The following HTR3A variants were observed in gnomAD, a reference collection of about 807,000 sequenced individuals.
HTR3A encodes 5-hydroxytryptamine (serotonin) receptor 3A, ionotropic.
In HTR3A, 45 loss-of-function variants were observed where a neutral mutation model predicts 54.8. That is an observed-to-expected ratio of 0.82 (90% confidence interval 0.65 to 1.05). The LOEUF (loss-of-function observed/expected upper bound fraction) is 1.05. Among genes scored for constraint, HTR3A ranks in the 50% least tolerant of loss-of-function variants. The pLI is 0.00. For missense variants in HTR3A, 657 were observed against 614.0 expected, an observed-to-expected ratio of 1.07 and a Z score of -0.74; for synonymous variants, 297 against 256.0, an observed-to-expected ratio of 1.16 and a Z score of -1.53.
rs1308778451 is a variant in HTR3A at position 113,981,199 on chromosome 11, CTAG to C, written c.265-1_266del. ...GCCTGTGACCATCCCTGCTCCTCCC[CTAG>C]TACTGGACTGATGAGTTTCTCCAGT... On this transcript the variant is annotated splice_acceptor_variant and splice_polypyrimidine_tract_variant and intron_variant, in intron 3 of 8. Coordinates refer to ENST00000504030, the MANE Select transcript of HTR3A (RefSeq NM_000869.6). LOFTEE classifies it high-confidence loss of function. 1 of 1,589,068 alleles carries C rather than the reference CTAG, an allele frequency of 6.3e-7. No homozygotes were observed. Among genetic ancestry groups the C allele is most frequent in the African/African-American group, 1.3e-5 (1 of 74,480 alleles).
chr11:113,982,819 C>T (rs539316195), intron 4 of HTR3A, among the ~76,000 whole-genome samples: 16 of 152,292 alleles, frequency 1.1e-4, no homozygotes, highest in African/African-American at 1.7e-4. Flanking sequence ...CCACTGGGCA[C>T]GCTTCCTACT....
At chr11:113,979,380 G>C in intron 3 of HTR3A, 103 bp downstream of exon 3, 1 of 855,758 alleles carries the variant, frequency 1.2e-6, no homozygotes, top group South Asian at 1.3e-5. Context: ...TGAGCGGAGA[G>C]GCTGAGGGGC....
In HTR3A at chr11:113,989,429, T is replaced by C; in HGVS notation, c.1139-36T>C. 1.9e-6 allele frequency: 3 copies of C among 1,611,996 alleles called. No homozygotes were observed. Among genetic ancestry groups the C allele is most frequent in the East Asian group, 4.5e-5 (2 of 44,862 alleles). On this transcript the variant is annotated intron_variant, in intron 8 of 8. Coordinates refer to ENST00000504030, the MANE Select transcript of HTR3A (RefSeq NM_000869.6). This position sits in a 1 kb window ranked among gnomAD's most constrained non-coding sequence, Gnocchi z 4.4. ...ACCATGTTCAGGTCACCACCCGGGG[T>C]CTCCCTCTCTTGCCAATGCCCTGCC...
intron 3 of HTR3A, 107 bp downstream of exon 3, chr11:113,979,384 G>A (rs1950394232): frequency 1.2e-6 from 1 of 837,262 alleles, no homozygotes; most frequent in East Asian, 2.5e-5. Flanking sequence ...CGGAGAGGCT[G>A]AGGGGCACCC....
chr11:113,979,991 A>G (rs1319344569), intron 3 of HTR3A, among the ~76,000 whole-genome samples: 3 of 152,150 alleles, frequency 2.0e-5, no homozygotes, highest in Non-Finnish European at 4.4e-5. Context: ...ATCCCTCCCC[A>G]TGGCTCATGG....
intron 4 of HTR3A, among the ~76,000 whole-genome samples, chr11:113,982,760 G>A (rs1407469248): frequency 6.6e-6 from 1 of 152,186 alleles, no homozygotes; most frequent in Admixed American, 6.5e-5. Flanking sequence ...CAGGACTGGC[G>A]ATCCTGGGAG....
In HTR3A at chr11:113,983,287, C is replaced by A. The variant is rs544613424; in HGVS notation, c.542C>A (p.Thr181Asn). The A allele has an allele frequency of 1.7e-5, 28 of 1,613,994 alleles. No individual in the cohort carries two copies. The East Asian group carries it at 5.3e-4, about 31-fold the overall frequency. The change falls in exon 5 of 9, where the codon ACC becomes AAC. Residue 181 changes from threonine (T) to asparagine (N), a missense_variant and splice_region_variant. By Grantham distance (65) the Thr-to-Asn change is moderately conservative. Transcript: ENST00000504030. ...CTGACCTTCACCAGTTGGCTGCACACCAGTGAGTATGTGGGCTTCGCCGGG... is the reference window on the plus strand; with the variant it reads ...CTGACCTTCACCAGTTGGCTGCACAACAGTGAGTATGTGGGCTTCGCCGGG... Reference protein sequence around the residue: ...CSLTFTSWLHTIQDINISLWR... With the variant: ...CSLTFTSWLHNIQDINISLWR...
Position 113,989,787 on chromosome 11 carries a change from G to A in HTR3A, c.*24G>A, listed in dbSNP as rs1349408052. On this transcript the variant is annotated 3_prime_UTR_variant, in exon 9 of 9. Transcript: ENST00000504030. This position sits in a 1 kb window ranked among gnomAD's most constrained non-coding sequence, Gnocchi z 4.4. Reference sequence around the variant, plus strand: ...GAGTGGGTACAGCCCAGTGGAGGAGGGGGTACAGTCCTGGTTAGGTGGGGA... The same window carrying A: ...GAGTGGGTACAGCCCAGTGGAGGAGAGGGTACAGTCCTGGTTAGGTGGGGA... 1.9e-6 allele frequency: 3 copies of A among 1,603,754 alleles called. No homozygotes were observed. Among genetic ancestry groups the A allele is most frequent in the Admixed American group, 1.7e-5 (1 of 60,014 alleles).
rs536661746 is a variant in HTR3A, at chr11:113,980,252, G to A, written c.265-951G>A. Among the ~76,000 whole-genome samples, 11 of 152,334 alleles carry A rather than the reference G, an allele frequency of 7.2e-5. No homozygotes were observed. In the South Asian group the frequency reaches 1.5e-3, roughly 20 times the overall value. On this transcript the variant is annotated intron_variant, in intron 3 of 8. Coordinates refer to ENST00000504030, the MANE Select transcript of HTR3A (RefSeq NM_000869.6). ...TTACTTGCATCAGCAGTGAGGGAAT[G>A]ACAGTCTACATGCACCAGCAACTGT...
intron 8 of HTR3A, among the ~76,000 whole-genome samples, chr11:113,987,287 A>C (rs912248121): frequency 5.9e-5 from 9 of 152,206 alleles, no homozygotes; most frequent in Non-Finnish European, 1.3e-4. Context: ...CCAGAGGCTG[A>C]GCATGTCAGG....
chr11:113,982,143 G>A (rs767535208), intron 4 of HTR3A, among the ~76,000 whole-genome samples: 3 of 152,108 alleles, frequency 2.0e-5, no homozygotes, highest in African/African-American at 4.8e-5. Flanking sequence ...AGCCAAACAC[G>A]GTCCCATTTG....
At chr11:113,985,423 A>G (rs1189183460) in intron 5 of HTR3A, among the ~76,000 whole-genome samples, 2 of 152,154 alleles carry the variant, frequency 1.3e-5, no homozygotes, top group Non-Finnish European at 2.9e-5. Context: ...TTTTGGTTGC[A>G]TCCTAGCTTA....
At chr11:113,981,362 G>T (rs1591602397) in intron 4 of HTR3A, 50 bp downstream of exon 4, 1 of 1,087,830 alleles carries the variant, frequency 9.2e-7, no homozygotes, top group East Asian at 2.4e-5. Context: ...AGGAGCTGGA[G>T]AAGCCCGGGG....
intron 8 of HTR3A, among the ~76,000 whole-genome samples, chr11:113,988,948 G>A (rs1950522017): frequency 6.6e-6 from 1 of 152,192 alleles, no homozygotes; most frequent in African/African-American, 2.4e-5. Flanking sequence ...TCTGGAAGAG[G>A]GGTGGAGAAT....
At chr11:113,981,506 ACTC>A (rs1950421940) in intron 4 of HTR3A, among the ~76,000 whole-genome samples, 194 bp downstream of exon 4, 1 of 149,642 alleles carries the variant, frequency 6.7e-6, no homozygotes, top group African/African-American at 2.5e-5. Flanking sequence ...CTTTTTGAAA[ACTC>A]CTTCTTTTCG....
At position 113,983,261 on chromosome 11, in the gene HTR3A, G is replaced by A. The variant is rs749670628; in HGVS notation, c.516G>A (p.Ser172=). 27 of 1,614,158 alleles carry A rather than the reference G, an allele frequency of 1.7e-5. No homozygotes were observed. The highest frequency in any genetic ancestry group is 8.8e-5 in the South Asian group (8 of 91,084). ...TCCCCTTCGATGTCCAGAACTGCTC[G>A]CTGACCTTCACCAGTTGGCTGCACA... ...YNFPFDVQNC[S]LTFTSWLHTI... The change falls in exon 5 of 9, where the codon TCG becomes TCA. Residue 172 remains serine, a synonymous_variant. Coordinates refer to ENST00000504030, the MANE Select transcript of HTR3A (RefSeq NM_000869.6).
intron 6 of HTR3A, 53 bp downstream of exon 6, chr11:113,986,228 A>G: frequency 6.2e-7 from 1 of 1,604,092 alleles, no homozygotes; most frequent in Non-Finnish European, 8.5e-7. Flanking sequence ...ACATCCAGGT[A>G]GACTTAAGGA....
intron 4 of HTR3A, among the ~76,000 whole-genome samples, chr11:113,982,440 A>G (rs1042761140): frequency 3.9e-5 from 6 of 152,134 alleles, no homozygotes; most frequent in Admixed American, 6.5e-5. Context: ...TCCAGTTTCA[A>G]CAGTGAAGTG....
rs1442753801 is a variant in HTR3A at position 113,989,927 on chromosome 11, C to G, written c.*164C>G. ...GCCAATTCATCTCAGCAATCACAAG[C>G]CAAGGTCTGAACCCTTCCACCAAAA... On this transcript the variant is annotated 3_prime_UTR_variant, in exon 9 of 9. Transcript: ENST00000504030. This position sits in a 1 kb window ranked among gnomAD's most constrained non-coding sequence, Gnocchi z 4.4. 1 of 844,466 alleles carries G rather than the reference C, an allele frequency of 1.2e-6. No individual in the cohort carries two copies. Among genetic ancestry groups the G allele is most frequent in the African/African-American group, 1.7e-5 (1 of 60,000 alleles). 52.3% of individuals were successfully genotyped at this position (844,466 alleles called of 1,614,324 possible). A position where few individuals can be genotyped will look rare whatever the true frequency, so the allele number is the denominator to read the frequency against.
Sources: allele counts gnomAD v4.1 joint callset (sites outside exome capture counted in the v4.1 genomes callset), GRCh38; gene constraint gnomAD v4.1.1; non-coding constraint Gnocchi (gnomAD v3.1); transcripts MANE v1.5; gene names NCBI Gene and HGNC (gene_info 2026-07-23, HGNC 2026-07-21).